Variants in IPO7 observed in about 807,000 individuals in gnomAD.
The protein encoded by IPO7 is importin 7.
Under a neutral mutation model 136.4 loss-of-function variants are expected in IPO7, and 13 were observed. The observed-to-expected ratio is 0.10, with a 90% CI of 0.06 to 0.15. The LOEUF (loss-of-function observed/expected upper bound fraction) is 0.15, where lower values mean the gene tolerates loss of function less well. Ranked by LOEUF, IPO7 falls within the 10% of genes least tolerant of loss-of-function variation. The probability of loss-of-function intolerance (pLI) is 1.00; values close to 1 mark genes in which losing one functional copy is unlikely to be tolerated. For synonymous variants in IPO7, 403 were observed against 404.4 expected (o/e 1.00, Z 0.04); for missense variants, 857 against 1,240.6 (o/e 0.69, Z 4.65).
At chr11:9,384,994 G>A (rs1854531112) in intron 1 of IPO7, 147 bp downstream of exon 1, 1 of 643,358 alleles carries the variant, frequency 1.6e-6, no homozygotes, top group Non-Finnish European at 2.7e-6. Context: ...CGACTTCCAC[G>A]CCGGGGCGCC....
rs1425901222 is a variant in IPO7 at position 9,419,408 on chromosome 11, C to T, written c.727-1003C>T. Among the ~76,000 whole-genome samples the T allele has an allele frequency of 3.3e-5, 5 of 151,334 alleles. No individual in the cohort carries two copies. In the South Asian group the frequency reaches 6.2e-4, roughly 19 times the overall value. On this transcript the variant is annotated intron_variant, in intron 6 of 24. Coordinates refer to ENST00000379719, the MANE Select transcript of IPO7 (RefSeq NM_006391.3). Reference sequence around the variant, plus strand: ...ACTAAAAATACAAACATTAGCTGGGCGTGGTGGTGCAAGCCTGTAGTCCCA... The same window carrying T: ...ACTAAAAATACAAACATTAGCTGGGTGTGGTGGTGCAAGCCTGTAGTCCCA...
chr11:9,441,207 A>G (rs1168327069), intron 23 of IPO7, among the ~76,000 whole-genome samples: 1 of 152,114 alleles, frequency 6.6e-6, no homozygotes, highest in East Asian at 1.9e-4. Flanking sequence ...GAGATTTTTG[A>G]ATTATATATG....
intron 24 of IPO7, among the ~76,000 whole-genome samples, chr11:9,442,401 C>T (rs1042984336): frequency 2.6e-5 from 4 of 151,600 alleles, no homozygotes; most frequent in Admixed American, 1.3e-4. Context: ...TGGCTTTTTT[C>T]GTTTTTTTTT....
At chr11:9,400,806 T>C (rs1325700803) in intron 1 of IPO7, among the ~76,000 whole-genome samples, 1 of 152,192 alleles carries the variant, frequency 6.6e-6, no homozygotes, top group African/African-American at 2.4e-5. Context: ...AATGGAAAAT[T>C]ATATTCAAAG....
chr11:9,419,559 A>AATATATATATATATATAT (rs1244588095), intron 6 of IPO7, among the ~76,000 whole-genome samples: 2 of 116,848 alleles, frequency 1.7e-5, no homozygotes, highest in African/African-American at 7.5e-5. Context: ...AAAAAAAAAA[A>AATATATATATATATATAT]ATATATATAT....
At position 9,399,476 on chromosome 11, in the gene IPO7, A is replaced by G. The variant is rs529063793; in HGVS notation, c.85-3814A>G. On this transcript the variant is annotated intron_variant, in intron 1 of 24. Coordinates refer to ENST00000379719, the MANE Select transcript of IPO7 (RefSeq NM_006391.3). Reference sequence around the variant, plus strand: ...GCGCCCGGCAGCATTTTAAAGAAGGATTTTGGGTATAGAATTGACAGGACT... The same window carrying G: ...GCGCCCGGCAGCATTTTAAAGAAGGGTTTTGGGTATAGAATTGACAGGACT... 2.6e-5 allele frequency among the ~76,000 whole-genome samples: 4 copies of G among 152,154 alleles called. No homozygotes were observed. The East Asian group carries it at 7.7e-4, about 29-fold the overall frequency.
chr11:9,419,579 T>G (rs974332431), intron 6 of IPO7, among the ~76,000 whole-genome samples: 1 of 144,510 alleles, frequency 6.9e-6, no homozygotes, highest in Non-Finnish European at 1.5e-5. Context: ...TATATATATA[T>G]ATATATATGT....
At chr11:9,414,827 T>C (rs900099934) in intron 5 of IPO7, among the ~76,000 whole-genome samples, 18 of 151,920 alleles carry the variant, frequency 1.2e-4, no homozygotes, top group Admixed American at 6.6e-4. Context: ...GGTTTCACCA[T>C]GTTGGTCATG....
chr11:9,438,710 A>G (rs926880591), intron 22 of IPO7, among the ~76,000 whole-genome samples: 16 of 152,212 alleles, frequency 1.1e-4, no homozygotes, highest in African/African-American at 3.9e-4. Flanking sequence ...ATTCACAGAA[A>G]AGACTTCCTT....
intron 5 of IPO7, 145 bp downstream of exon 5, chr11:9,414,556 G>C (rs547646225): frequency 5.7e-6 from 2 of 348,340 alleles, no homozygotes; most frequent in Non-Finnish European, 1.0e-5. Flanking sequence ...AATAGAAATT[G>C]CAAAAATTAT....
At chr11:9,424,496 C>T (rs555591718) in intron 10 of IPO7, among the ~76,000 whole-genome samples, 6 of 152,304 alleles carry the variant, frequency 3.9e-5, no homozygotes, top group South Asian at 4.1e-4. Flanking sequence ...TAAATCCCAA[C>T]GTGTTGGGAG....
In IPO7 at chr11:9,447,399, T is replaced by C. The variant is rs532800512; in HGVS notation, c.*2205T>C. ...GAAATTAGACCTTATAATTAAACTA[T>C]TTAAATAGTGTTCAAATGATAGTTT... On this transcript the variant is annotated 3_prime_UTR_variant, in exon 25 of 25. Coordinates refer to ENST00000379719, the MANE Select transcript of IPO7 (RefSeq NM_006391.3). The C allele has an allele frequency of 1.3e-5, 2 of 152,312 alleles. No homozygotes were observed. Among genetic ancestry groups the C allele is most frequent in the South Asian group, 4.1e-4 (2 of 4,830 alleles). The allele number at this position is 152,312 out of a possible 1,614,324, so 9.4% of individuals were successfully genotyped here.
chr11:9,418,555 A>T (rs1270312739), intron 6 of IPO7, among the ~76,000 whole-genome samples: 1 of 152,208 alleles, frequency 6.6e-6, no homozygotes, highest in East Asian at 1.9e-4. Context: ...TTTGTTTCAA[A>T]AAGGTTTATG....
chr11:9,406,151 CTG>C (rs959734849), intron 2 of IPO7, among the ~76,000 whole-genome samples: 1 of 113,112 alleles, frequency 8.8e-6, no homozygotes, highest in Non-Finnish European at 1.7e-5. Flanking sequence ...CGGGGTCTCA[CTG>C]TGTTTCCCCG....
intron 5 of IPO7, among the ~76,000 whole-genome samples, chr11:9,415,857 A>G (rs1855035635): frequency 1.3e-5 from 2 of 152,104 alleles, no homozygotes; most frequent in African/African-American, 4.8e-5. Context: ...GAAAAAAAGA[A>G]AAAAAAGAAA....
At chr11:9,433,530 T>G (rs776642502) in intron 16 of IPO7, 40 bp from the exon 17 acceptor site, 1 of 1,400,744 alleles carries the variant, frequency 7.1e-7, no homozygotes, top group Non-Finnish European at 1.0e-6. Context: ...AGTCATTTAG[T>G]AGGCTGTAAC....
intron 2 of IPO7, among the ~76,000 whole-genome samples, chr11:9,407,591 T>C (rs995274088): frequency 6.6e-6 from 1 of 152,170 alleles, no homozygotes; most frequent in Admixed American, 6.5e-5. Context: ...TAATATATAA[T>C]CTTAATCTAT....
rs978067735 is a variant in IPO7 at position 9,447,301 on chromosome 11, G to C, written c.*2107G>C. 1.3e-5 allele frequency: 2 copies of C among 152,168 alleles called. No individual in the cohort carries two copies. The highest frequency in any genetic ancestry group is 2.9e-5 in the Non-Finnish European group (2 of 68,002). The allele number at this position is 152,168 out of a possible 1,614,324, so 9.4% of individuals were successfully genotyped here. A position where few individuals can be genotyped will look rare whatever the true frequency, so the allele number is the denominator to read the frequency against. ...TTGTTTCAAGAAAATGTATTGGCAT[G>C]TCTTTGAGAACATGTTTTATTGTCT... On this transcript the variant is annotated 3_prime_UTR_variant, in exon 25 of 25. Transcript: ENST00000379719.
intron 2 of IPO7, 128 bp from the exon 3 acceptor site, chr11:9,408,358 A>G: frequency 2.1e-6 from 1 of 478,024 alleles, no homozygotes; most frequent in Non-Finnish European, 3.5e-6. Context: ...TGAATGTAGT[A>G]TTTTGTTAAT....
Sources: gnomAD v4.1 joint callset for allele counts (sites outside exome capture counted in the v4.1 genomes callset) on GRCh38, gnomAD v4.1.1 for gene constraint, MANE v1.5 for transcripts, NCBI Gene and HGNC (gene_info 2026-07-23, HGNC 2026-07-21) for gene names.